The following PDLIM5 variants were observed in gnomAD, a reference collection of about 807,000 sequenced individuals.
The protein encoded by PDLIM5 is PDZ and LIM domain protein 5.
A neutral mutation model predicts 64.2 loss-of-function variants in PDLIM5; 34 were observed. The observed-to-expected ratio is 0.53, with a 90% CI of 0.40 to 0.71. The LOEUF (loss-of-function observed/expected upper bound fraction) is 0.71. Ranked by LOEUF, PDLIM5 falls within the 30% of genes least tolerant of loss-of-function variation. The pLI is 0.00. For synonymous variants in PDLIM5, 253 were observed against 269.1 expected, an observed-to-expected ratio of 0.94 and a Z score of 0.59; for missense variants, 683 against 733.6, an observed-to-expected ratio of 0.93 and a Z score of 0.80.
chr4:94,642,195 G>A (rs1215476837), intron 9 of PDLIM5, among the ~76,000 whole-genome samples: 1 of 152,162 alleles, frequency 6.6e-6, no homozygotes, highest in Non-Finnish European at 1.5e-5. Flanking sequence ...CACCTTTGTG[G>A]AGACAGGAGT....
At chr4:94,663,559 G>A (rs1450385398) in intron 12 of PDLIM5, among the ~76,000 whole-genome samples, 1 of 152,260 alleles carries the variant, frequency 6.6e-6, no homozygotes, top group Admixed American at 6.5e-5. Context: ...TGTGTAACTG[G>A]CAGCAAGCTA....
rs117592063 is a variant in PDLIM5 at position 94,520,328 on chromosome 4, C to T, written c.97-3396C>T. 1.1e-3 allele frequency among the ~76,000 whole-genome samples: 168 copies of T among 152,322 alleles called. 1 individual carries two copies. In the East Asian group the frequency reaches 0.027, roughly 24 times the overall value. On this transcript the variant is annotated intron_variant, in intron 2 of 12. Coordinates refer to ENST00000317968, the MANE Select transcript of PDLIM5 (RefSeq NM_006457.5). ...ACCCAGGAGCCTCCCACAACTGCTT[C>T]CTTCCTACACTGTGCTTTTATGAAA...
At chr4:94,663,924 AATCCTCTTAAT>A (rs1406554914) in intron 12 of PDLIM5, 43 bp from the exon 13 acceptor site, 32 of 1,549,714 alleles carry the variant, frequency 2.1e-5, no homozygotes, top group Non-Finnish European at 2.7e-5. Flanking sequence ...TACTGGGTAA[AATCCTCTTAAT>A]ATCCTCTTAA....
intron 7 of PDLIM5, chr4:94,610,312 T>TGGTTCTGTCTG: frequency 3.3e-6 from 5 of 1,500,182 alleles, no homozygotes; most frequent in Non-Finnish European, 3.5e-6. Context: ...CAGGTAGAAC[T>TGGTTCTGTCTG]ACACGTACAG....
intron 7 of PDLIM5, among the ~76,000 whole-genome samples, chr4:94,588,772 TTC>T (rs1356433564): frequency 6.6e-6 from 1 of 152,176 alleles, no homozygotes; most frequent in Admixed American, 6.5e-5. Context: ...ATTTTTATTT[TTC>T]CAGGTATTCT....
At chr4:94,459,952 C>T (rs998062172) in intron 2 of PDLIM5, among the ~76,000 whole-genome samples, 21 of 152,118 alleles carry the variant, frequency 1.4e-4, no homozygotes, top group African/African-American at 3.1e-4. Context: ...TCCCTCCTAC[C>T]GGAAGACAGA....
At chr4:94,585,540 A>AT (rs762197530) in intron 5 of PDLIM5, 25 bp from the exon 6 acceptor site, 6,255 of 1,330,804 alleles carry the variant, frequency 4.7e-3, no homozygotes, top group South Asian at 5.4e-3. Flanking sequence ...ACAATTTTTA[A>AT]TTTTTTTTTT....
At chr4:94,629,055 T>A (rs1739928389) in intron 8 of PDLIM5, among the ~76,000 whole-genome samples, 1 of 152,110 alleles carries the variant, frequency 6.6e-6, no homozygotes, top group African/African-American at 2.4e-5. Context: ...ATTAAGATGA[T>A]TTAGAAGATT....
rs1802345 is a variant in PDLIM5 at position 94,664,597 on chromosome 4, C to T, written c.*530C>T. ...TAAAAAATTGCTTGTAGGCTGAGCG[C>T]GGTGGCTCACGCCTGTAATCCCAGC... On this transcript the variant is annotated 3_prime_UTR_variant, in exon 13 of 13. Transcript: ENST00000317968. 170,446 of 778,830 alleles carry T rather than the reference C, an allele frequency of 0.22. 18,976 individuals are homozygous for T. Among genetic ancestry groups the T allele is most frequent in the African/African-American group, 0.32 (16,907 of 52,508 alleles). The allele number at this position is 778,830 out of a possible 1,614,324, so 48.2% of individuals were successfully genotyped here.
intron 2 of PDLIM5, among the ~76,000 whole-genome samples, chr4:94,462,264 C>G (rs1723962867): frequency 6.6e-6 from 1 of 152,172 alleles, no homozygotes; most frequent in East Asian, 1.9e-4. Flanking sequence ...ATTTCCTCCT[C>G]CTGGAAGCCA....
At chr4:94,623,341 C>T (rs1404255465) in intron 8 of PDLIM5, among the ~76,000 whole-genome samples, 1 of 152,124 alleles carries the variant, frequency 6.6e-6, no homozygotes, top group Non-Finnish European at 1.5e-5. Flanking sequence ...TTGGCACACA[C>T]TTTTCTGCTT....
chr4:94,527,052 T>TA (rs1730434740), intron 3 of PDLIM5, among the ~76,000 whole-genome samples: 1 of 119,920 alleles, frequency 8.3e-6, no homozygotes. Context: ...CATTCTTTTT[T>TA]TTTTTTTTTT....
intron 2 of PDLIM5, among the ~76,000 whole-genome samples, chr4:94,470,370 G>T (rs910350732): frequency 6.6e-6 from 1 of 152,070 alleles, no homozygotes; most frequent in South Asian, 2.1e-4. Flanking sequence ...AAGAAATGTT[G>T]CATACACATT....
At chr4:94,576,093 G>A in intron 5 of PDLIM5, 59 bp downstream of exon 5, 2 of 1,431,420 alleles carry the variant, frequency 1.4e-6, no homozygotes, top group Non-Finnish European at 1.9e-6. Context: ...TAATTTCCAG[G>A]AAATACTCTA....
chr4:94,554,374 A>G (rs1388204544), intron 3 of PDLIM5, among the ~76,000 whole-genome samples: 1 of 152,248 alleles, frequency 6.6e-6, no homozygotes, highest in Non-Finnish European at 1.5e-5. Flanking sequence ...AAAGAAACTC[A>G]TCTGCCCTTT....
intron 3 of PDLIM5, among the ~76,000 whole-genome samples, chr4:94,542,400 C>T (rs1731900988): frequency 6.6e-6 from 1 of 152,060 alleles, no homozygotes. Context: ...TATATTGGGC[C>T]TTAAAGGGAG....
chr4:94,561,951 C>T (rs955117838), intron 3 of PDLIM5, among the ~76,000 whole-genome samples: 2 of 152,186 alleles, frequency 1.3e-5, no homozygotes, highest in East Asian at 3.8e-4. Flanking sequence ...ATGTCAGAAG[C>T]AAATTTGGTG....
rs903453897 is a variant in PDLIM5, at chr4:94,640,414, G to A, written c.1247G>A (p.Arg416Gln). 6 of 1,608,280 alleles carry A rather than the reference G, an allele frequency of 3.7e-6. 1 individual carries two copies. The South Asian group carries it at 4.4e-5, about 12-fold the overall frequency. Residue 416 changes from arginine to glutamine, a missense_variant, in exon 9 of 13, where the codon CGA becomes CAA. Transcript: ENST00000317968. Reference sequence around the variant, plus strand: ...GCTGAGCACATTCCAGCAGGGAAACGAACTCCGATGTGCGCCCATTGTAAC... The same window carrying A: ...GCTGAGCACATTCCAGCAGGGAAACAAACTCCGATGTGCGCCCATTGTAAC... ...QRAEHIPAGK[R>Q]TPMCAHCNQV...
At chr4:94,515,752 T>C (rs1316118863) in intron 2 of PDLIM5, among the ~76,000 whole-genome samples, 1 of 152,246 alleles carries the variant, frequency 6.6e-6, no homozygotes, top group African/African-American at 2.4e-5. Context: ...TGATTATCAT[T>C]GTTAATCCAT....
Sources: gnomAD v4.1 joint callset for allele counts (sites outside exome capture counted in the v4.1 genomes callset) on GRCh38, gnomAD v4.1.1 for gene constraint, MANE v1.5 for transcripts, NCBI Gene and HGNC (gene_info 2026-07-23, HGNC 2026-07-21) for gene names.